PHB1: variants seen among roughly 807,000 people sequenced by gnomAD.
The protein encoded by PHB1 is prohibitin 1.
chr17:49,406,125 T>G, the PHB1 span, among the ~76,000 whole-genome samples: 1 of 152,258 alleles, frequency 6.6e-6, no homozygotes, highest in Non-Finnish European at 1.5e-5. Context: ...TTATGGCAGA[T>G]ACAAAGCAAC....
chr17:49,411,199 C>CT, the PHB1 span, among the ~76,000 whole-genome samples: 379 of 117,432 alleles, frequency 3.2e-3, 2 homozygotes, highest in Middle Eastern at 8.9e-3. Flanking sequence ...TAGAAGCAGG[C>CT]TTTTTTTTTT....
the PHB1 span, chr17:49,405,271 G>A: frequency 3.6e-6 from 5 of 1,389,918 alleles, no homozygotes; most frequent in South Asian, 1.2e-5. Context: ...ACAACCAAAG[G>A]CCCTTCACCA....
the PHB1 span, chr17:49,406,878 G>A: frequency 5.8e-6 from 9 of 1,543,406 alleles, no homozygotes; most frequent in Non-Finnish European, 6.3e-6. Context: ...GTGAGCACAA[G>A]ATGAGGCAGT....
At chr17:49,409,216 A>C in the PHB1 span, 13 of 1,572,482 alleles carry the variant, frequency 8.3e-6, no homozygotes, top group East Asian at 2.9e-4. Flanking sequence ...GCAGAAAAGG[A>C]ACCAGGAAAC....
the PHB1 span, chr17:49,412,795 A>T: frequency 5.7e-6 from 1 of 175,926 alleles, no homozygotes; most frequent in East Asian, 1.6e-4. Flanking sequence ...ACAGATCTGC[A>T]GCCTTTGCTG....
chr17:49,409,290 T>C, the PHB1 span: 1 of 1,611,092 alleles, frequency 6.2e-7, no homozygotes, highest in East Asian at 2.2e-5. Flanking sequence ...CCTCCCAGGG[T>C]GGTGCTCTGG....
chr17:49,405,587 T>A, the PHB1 span, among the ~76,000 whole-genome samples: 1 of 152,274 alleles, frequency 6.6e-6, no homozygotes, highest in Non-Finnish European at 1.5e-5. Flanking sequence ...CATCTTTTCC[T>A]CCAGCCTTAA....
the PHB1 span, among the ~76,000 whole-genome samples, chr17:49,409,818 G>A: frequency 2.0e-5 from 3 of 151,962 alleles, no homozygotes; most frequent in African/African-American, 7.3e-5. Flanking sequence ...TTACAGGTGT[G>A]AGCCACCGCA....
At chr17:49,405,897 G>C in the PHB1 span, among the ~76,000 whole-genome samples, 1 of 152,192 alleles carries the variant, frequency 6.6e-6, no homozygotes, top group African/African-American at 2.4e-5. Context: ...CAGGCACCCA[G>C]AGTGAGATCT....
the PHB1 span, among the ~76,000 whole-genome samples, chr17:49,414,023 G>A: frequency 6.6e-6 from 1 of 152,134 alleles, no homozygotes; most frequent in African/African-American, 2.4e-5. Flanking sequence ...TGTGCTACAT[G>A]TTGATGCCAA....
the PHB1 span, chr17:49,412,089 C>T: frequency 2.5e-6 from 1 of 407,980 alleles, no homozygotes; most frequent in Non-Finnish European, 4.4e-6. Context: ...CTTGAGGGAA[C>T]TGGCTGTTGA....
the PHB1 span, chr17:49,412,247 C>G: frequency 5.9e-6 from 1 of 170,888 alleles, no homozygotes; most frequent in Non-Finnish European, 1.3e-5. Context: ...AAGTAGCACC[C>G]TCATTATGGG....
At chr17:49,414,155 G>C in the PHB1 span, 1 of 152,176 alleles carries the variant, frequency 6.6e-6, no homozygotes, top group Non-Finnish European at 1.5e-5. Flanking sequence ...CACACAGAGA[G>C]GTTACATGAG....
the PHB1 span, chr17:49,409,315 G>GCCC: frequency 6.2e-7 from 1 of 1,613,980 alleles, no homozygotes. Flanking sequence ...GAGGCTAAAG[G>GCCC]CCCCTGTTCA....
At chr17:49,405,843 T>C in the PHB1 span, among the ~76,000 whole-genome samples, 3 of 152,188 alleles carry the variant, frequency 2.0e-5, no homozygotes, top group African/African-American at 7.2e-5. Flanking sequence ...CTTTTGACTG[T>C]TCCTAGAGCT....
chr17:49,407,747 C>T, the PHB1 span, among the ~76,000 whole-genome samples: 2 of 152,242 alleles, frequency 1.3e-5, no homozygotes, highest in Admixed American at 1.3e-4. Flanking sequence ...CAGCTCCAAA[C>T]TTCTCCTGAA....
the PHB1 span, chr17:49,404,613 G>A: frequency 3.3e-6 from 1 of 301,216 alleles, no homozygotes; most frequent in East Asian, 9.6e-5. Context: ...TGACAGGACG[G>A]AGGCCACACG....
the PHB1 span, chr17:49,404,620 C>A: frequency 3.2e-6 from 1 of 308,846 alleles, no homozygotes; most frequent in South Asian, 3.0e-5. Flanking sequence ...ACGGAGGCCA[C>A]ACGTGGATCT....
chr17:49,405,585 C>T, the PHB1 span, among the ~76,000 whole-genome samples: 1 of 152,178 alleles, frequency 6.6e-6, no homozygotes, highest in African/African-American at 2.4e-5. Context: ...CTCATCTTTT[C>T]CTCCAGCCTT....
Sources: allele counts gnomAD v4.1 joint callset (sites outside exome capture counted in the v4.1 genomes callset), GRCh38; gene constraint gnomAD v4.1.1; transcripts MANE v1.5; gene names NCBI Gene and HGNC (gene_info 2026-07-23, HGNC 2026-07-21).